Variants in SNTB2 observed in about 807,000 individuals in gnomAD.
SNTB2 encodes the protein beta-2-syntrophin.
In SNTB2, 34 loss-of-function variants were observed where a neutral mutation model predicts 46.2. That is an observed-to-expected ratio of 0.74 (90% confidence interval 0.56 to 0.98). The LOEUF is 0.98. SNTB2 is among the 50% of genes least tolerant of loss of function. The pLI is 0.00. For missense variants in SNTB2, 603 were observed against 731.4 expected (o/e 0.82, Z 2.02); for synonymous variants, 290 against 312.6 (o/e 0.93, Z 0.76).
At chr16:69,235,472 T>C (rs900437254) in intron 1 of SNTB2, among the ~76,000 whole-genome samples, 1 of 152,174 alleles carries the variant, frequency 6.6e-6, no homozygotes, top group Admixed American at 6.5e-5. Flanking sequence ...AACTCTGGGC[T>C]TTTCTCTGTA....
chr16:69,255,019 A>G (rs1035526943), intron 2 of SNTB2, among the ~76,000 whole-genome samples: 1 of 152,026 alleles, frequency 6.6e-6, no homozygotes, highest in African/African-American at 2.4e-5. Flanking sequence ...CATTCAATTA[A>G]ATCTCACCAG....
chr16:69,201,519 TA>T (rs952186560), intron 1 of SNTB2, among the ~76,000 whole-genome samples: 2 of 152,204 alleles, frequency 1.3e-5, no homozygotes, highest in African/African-American at 4.8e-5. Context: ...TGAAGAAATC[TA>T]AAATTCTTTA....
At chr16:69,239,753 C>T (rs937170124) in intron 1 of SNTB2, among the ~76,000 whole-genome samples, 1 of 152,050 alleles carries the variant, frequency 6.6e-6, no homozygotes, top group Admixed American at 6.6e-5. Flanking sequence ...CCATGTTGGC[C>T]AGGCTGGTCT....
chr16:69,274,708 A>G (rs1964970184), intron 4 of SNTB2, among the ~76,000 whole-genome samples: 1 of 151,802 alleles, frequency 6.6e-6, no homozygotes, highest in Non-Finnish European at 1.5e-5. Flanking sequence ...ACGTGCCTGT[A>G]ATCCCAGCTT....
chr16:69,222,907 G>C (rs1364919018), intron 1 of SNTB2, among the ~76,000 whole-genome samples: 1 of 148,464 alleles, frequency 6.7e-6, no homozygotes, highest in East Asian at 2.1e-4. Context: ...TCAGCCTCCC[G>C]AGTAGCTGGG....
At chr16:69,204,742 C>G (rs924131198) in intron 1 of SNTB2, among the ~76,000 whole-genome samples, 1 of 152,186 alleles carries the variant, frequency 6.6e-6, no homozygotes, top group East Asian at 1.9e-4. Flanking sequence ...GCATTTGCCC[C>G]TTCAGTACCA....
chr16:69,278,993 T>A (rs1303011272), intron 4 of SNTB2, among the ~76,000 whole-genome samples: 2 of 151,798 alleles, frequency 1.3e-5, no homozygotes, highest in Non-Finnish European at 2.9e-5. Flanking sequence ...ACTCATAACA[T>A]GGATGACAGA....
chr16:69,264,971 C>G (rs564384262), intron 3 of SNTB2, among the ~76,000 whole-genome samples: 1 of 152,128 alleles, frequency 6.6e-6, no homozygotes, highest in Non-Finnish European at 1.5e-5. Flanking sequence ...ATCTATTGGC[C>G]GGGCACGGTG....
chr16:69,266,424 A>T (rs1246757848), intron 3 of SNTB2, among the ~76,000 whole-genome samples: 1 of 152,064 alleles, frequency 6.6e-6, no homozygotes, highest in Non-Finnish European at 1.5e-5. Flanking sequence ...AATCAGAATG[A>T]TTAAACTTAG....
chr16:69,300,977 CA>C lies in SNTB2; in HGVS notation c.*65del, dbSNP rs34703750. ...ACTGTCACAAGAAATATTTCCACCTCAAAAAAAAAAAAGCACAAAAAGAAAC... is the reference window on the plus strand; with the variant it reads ...ACTGTCACAAGAAATATTTCCACCTCAAAAAAAAAAAGCACAAAAAGAAAC... On this transcript the variant is annotated 3_prime_UTR_variant, in exon 7 of 7. Transcript: ENST00000336278. 0.095 allele frequency: 75,960 copies of C among 799,440 alleles called. No individual in the cohort carries two copies. Among genetic ancestry groups the C allele is most frequent in the South Asian group, 0.16 (7,883 of 50,304 alleles). 49.5% of individuals were successfully genotyped at this position (799,440 alleles called of 1,614,324 possible).
Position 69,284,298 on chromosome 16 carries a change from G to A in SNTB2, c.1345+54G>A. On this transcript the variant is annotated intron_variant, in intron 5 of 6. Coordinates refer to ENST00000336278, the MANE Select transcript of SNTB2 (RefSeq NM_006750.4). Reference sequence around the variant, plus strand: ...AGTAATTAAATAGAACTGTTATATAGTCATGTGCTGCATAATGACATTTCA... The same window carrying A: ...AGTAATTAAATAGAACTGTTATATAATCATGTGCTGCATAATGACATTTCA... 3.5e-6 allele frequency: 5 copies of A among 1,443,814 alleles called. No homozygotes were observed. In the South Asian group the frequency reaches 6.8e-5, roughly 20 times the overall value. 89.4% of individuals were successfully genotyped at this position (1,443,814 alleles called of 1,614,324 possible). A position where few individuals can be genotyped will look rare whatever the true frequency, so the allele number is the denominator to read the frequency against.
chr16:69,301,096 T>A lies in SNTB2; in HGVS notation c.*172T>A. On this transcript the variant is annotated 3_prime_UTR_variant, in exon 7 of 7. Transcript: ENST00000336278. ...TTAAAGAAGAGCCTACCTTTCACAG[T>A]CTACCTTGGCCAGATATTCTAGCAC... The A allele has an allele frequency of 1.8e-6, 1 of 569,862 alleles. No homozygotes were observed. The highest frequency in any genetic ancestry group is 3.2e-6 in the Non-Finnish European group (1 of 317,224). 35.3% of individuals were successfully genotyped at this position (569,862 alleles called of 1,614,324 possible).
chr16:69,189,651 C>A (rs528596102), intron 1 of SNTB2, among the ~76,000 whole-genome samples: 1 of 152,268 alleles, frequency 6.6e-6, no homozygotes, highest in East Asian at 1.9e-4. Context: ...GCAGGGGAAT[C>A]GTTTGAACCT....
At chr16:69,256,394 G>T (rs923596386) in intron 2 of SNTB2, among the ~76,000 whole-genome samples, 1 of 152,104 alleles carries the variant, frequency 6.6e-6, no homozygotes, top group South Asian at 2.1e-4. Context: ...GGTCAGAAGT[G>T]TTAAGTATAT....
intron 1 of SNTB2, among the ~76,000 whole-genome samples, chr16:69,214,493 A>G (rs1378231312): frequency 1.3e-5 from 2 of 151,560 alleles, no homozygotes; most frequent in African/African-American, 4.8e-5. Flanking sequence ...CAACATATAT[A>G]CAACTCTAAT....
chr16:69,245,287 G>A (rs1486664998), intron 1 of SNTB2, among the ~76,000 whole-genome samples: 1 of 152,042 alleles, frequency 6.6e-6, no homozygotes, highest in Non-Finnish European at 1.5e-5. Flanking sequence ...ACCGCCTCCC[G>A]GGTTCAAGCA....
chr16:69,257,174 A>G, intron 2 of SNTB2, among the ~76,000 whole-genome samples: 1 of 151,730 alleles, frequency 6.6e-6, no homozygotes, highest in East Asian at 1.9e-4. Context: ...CATCTCAAAA[A>G]AAAAAAAAAA....
rs1318826707 is a variant in SNTB2, at chr16:69,300,998, A to C, written c.*74A>C. Reference sequence around the variant, plus strand: ...ACCTCAAAAAAAAAAAAGCACAAAAAGAAACTCTTTGCTCTCCTTCAGCAC... The same window carrying C: ...ACCTCAAAAAAAAAAAAGCACAAAACGAAACTCTTTGCTCTCCTTCAGCAC... On this transcript the variant is annotated 3_prime_UTR_variant, in exon 7 of 7. Transcript: ENST00000336278. The C allele has an allele frequency of 2.1e-6, 2 of 965,516 alleles. No individual in the cohort carries two copies. The highest frequency in any genetic ancestry group is 2.8e-5 in the South Asian group (2 of 70,596). 59.8% of individuals were successfully genotyped at this position (965,516 alleles called of 1,614,324 possible). A position where few individuals can be genotyped will look rare whatever the true frequency, so the allele number is the denominator to read the frequency against.
intron 2 of SNTB2, among the ~76,000 whole-genome samples, chr16:69,257,729 G>A (rs1170370848): frequency 1.3e-5 from 2 of 152,178 alleles, no homozygotes; most frequent in Non-Finnish European, 2.9e-5. Context: ...ACAGGCGTAA[G>A]CCACCGCGCC....
Sources: allele counts gnomAD v4.1 joint callset (sites outside exome capture counted in the v4.1 genomes callset), GRCh38; gene constraint gnomAD v4.1.1; transcripts MANE v1.5; gene names NCBI Gene and HGNC (gene_info 2026-07-23, HGNC 2026-07-21).